Variants in GNG12 observed in about 807,000 individuals in gnomAD.
The protein encoded by GNG12 is G protein subunit gamma 12.
For synonymous variants in GNG12, 28 were observed against 29.7 expected, an observed-to-expected ratio of 0.94 and a Z score of 0.19; for missense variants, 69 against 83.8, an observed-to-expected ratio of 0.82 and a Z score of 0.69.
At chr1:67,766,085 C>G (rs1306701955) in intron 2 of GNG12, among the ~76,000 whole-genome samples, 1 of 148,078 alleles carries the variant, frequency 6.8e-6, no homozygotes, top group Non-Finnish European at 1.5e-5. Flanking sequence ...GGCAAAAACT[C>G]AAACAAAACA....
In GNG12 at chr1:67,703,949, T is replaced by A. The variant is rs1342564877; in HGVS notation, c.*1502A>T. On this transcript the variant is annotated 3_prime_UTR_variant, in exon 4 of 4. Transcript: ENST00000370982. ...CCTTTTTGAGGGGAAGTTTTTAACCTTTCCTTAGTAGTTACTTTTAATGAA... is the reference window on the plus strand; with the variant it reads ...CCTTTTTGAGGGGAAGTTTTTAACCATTCCTTAGTAGTTACTTTTAATGAA... 14 of 152,258 alleles carry A rather than the reference T, an allele frequency of 9.2e-5. No homozygotes were observed. Among genetic ancestry groups the A allele is most frequent in the Non-Finnish European group, 1.5e-5 (1 of 68,042 alleles). The allele number at this position is 152,258 out of a possible 1,614,324, so 9.4% of individuals were successfully genotyped here. A position where few individuals can be genotyped will look rare whatever the true frequency, so the allele number is the denominator to read the frequency against.
rs1016978925 is a variant in GNG12 at position 67,702,877 on chromosome 1, A to G, written c.*2574T>C. On this transcript the variant is annotated 3_prime_UTR_variant, in exon 4 of 4. Coordinates refer to ENST00000370982, the MANE Select transcript of GNG12 (RefSeq NM_018841.6). ...CATGGAAATGAAGCCAAGAAGTTGC[A>G]TGTATATACGTGAGAAAGATTATCA... 1 of 152,200 alleles carries G rather than the reference A, an allele frequency of 6.6e-6. No individual in the cohort carries two copies. The highest frequency in any genetic ancestry group is 1.5e-5 in the Non-Finnish European group (1 of 68,012). 9.4% of individuals were successfully genotyped at this position (152,200 alleles called of 1,614,324 possible).
At position 67,705,593 on chromosome 1, in the gene GNG12, TCAAA is replaced by T. The variant is rs1383373609; in HGVS notation, c.94-21_94-18del. The T allele has an allele frequency of 5.0e-6, 8 of 1,592,918 alleles. No individual in the cohort carries two copies. The highest frequency in any genetic ancestry group is 3.6e-5 in the Admixed American group (2 of 54,972). On this transcript the variant is annotated intron_variant, in intron 3 of 3. Transcript: ENST00000370982. The stretch of plus-strand genomic sequence containing the variant: ...CTTCGAAACCTGACATGGAGATAAA[TCAAA>T]CAAACAAGAAAGAAAATATTTTACT...
chr1:67,716,156 G>T (rs1171731761), intron 2 of GNG12, among the ~76,000 whole-genome samples: 1 of 152,168 alleles, frequency 6.6e-6, no homozygotes, highest in African/African-American at 2.4e-5. Flanking sequence ...GGGTAGGGAA[G>T]ACAGAGTGTC....
intron 1 of GNG12, among the ~76,000 whole-genome samples, chr1:67,824,442 C>T (rs887077043): frequency 5.8e-5 from 8 of 138,856 alleles, no homozygotes; most frequent in African/African-American, 1.9e-4. Context: ...CCAGGGAAGT[C>T]GATGCTGCAG....
At chr1:67,725,096 A>T (rs556937299) in intron 2 of GNG12, among the ~76,000 whole-genome samples, 41 of 152,276 alleles carry the variant, frequency 2.7e-4, no homozygotes, top group Middle Eastern at 3.4e-3. Flanking sequence ...GGACAGGATT[A>T]AAAAAGCCAC....
chr1:67,821,752 A>G lies in GNG12; in HGVS notation c.-77+11592T>C, dbSNP rs190138433. 8.0e-4 allele frequency among the ~76,000 whole-genome samples: 120 copies of G among 150,662 alleles called. No individual in the cohort carries two copies. In the East Asian group the frequency reaches 0.02, roughly 25 times the overall value. On this transcript the variant is annotated intron_variant, in intron 1 of 3. Coordinates refer to ENST00000370982, the MANE Select transcript of GNG12 (RefSeq NM_018841.6). ...TAACACACTCTTACAGCTGATGTGC[A>G]TTATAATTTAATCAGCAGCTTTTTT...
chr1:67,786,719 C>T (rs541256403), intron 1 of GNG12, among the ~76,000 whole-genome samples: 189 of 151,934 alleles, frequency 1.2e-3, no homozygotes, highest in African/African-American at 4.4e-3. Context: ...GTCAGGGGTT[C>T]GAGACCAGCC....
intron 2 of GNG12, among the ~76,000 whole-genome samples, chr1:67,733,921 T>C (rs1161541407): frequency 6.6e-6 from 1 of 152,128 alleles, no homozygotes; most frequent in Non-Finnish European, 1.5e-5. Context: ...TGGAGGATAG[T>C]CTCAGGTGAA....
At chr1:67,794,232 G>C (rs1646817177) in intron 1 of GNG12, among the ~76,000 whole-genome samples, 1 of 152,178 alleles carries the variant, frequency 6.6e-6, no homozygotes, top group African/African-American at 2.4e-5. Context: ...ACATCTCCTT[G>C]CTAGCAGAAC....
At chr1:67,805,323 C>T (rs1646888984) in intron 1 of GNG12, among the ~76,000 whole-genome samples, 2 of 152,146 alleles carry the variant, frequency 1.3e-5, no homozygotes, top group East Asian at 3.9e-4. Context: ...AGACAAAAAA[C>T]ACTGAAGGAA....
chr1:67,747,820 C>T (rs868382882), intron 2 of GNG12, among the ~76,000 whole-genome samples: 15 of 152,232 alleles, frequency 9.9e-5, no homozygotes, highest in Non-Finnish European at 2.1e-4. Flanking sequence ...CTTCCCGGAA[C>T]AAACACCCAC....
intron 1 of GNG12, among the ~76,000 whole-genome samples, chr1:67,824,666 A>G (rs1356631230): frequency 6.6e-6 from 1 of 152,230 alleles, no homozygotes; most frequent in Non-Finnish European, 1.5e-5. Context: ...TTGTATAAGC[A>G]ATTTTCCCAG....
At chr1:67,774,060 A>G (rs545731167) in intron 2 of GNG12, among the ~76,000 whole-genome samples, 4 of 152,124 alleles carry the variant, frequency 2.6e-5, no homozygotes, top group Non-Finnish European at 4.4e-5. Context: ...GTTGTCGGCC[A>G]CTCTGTGTGG....
At chr1:67,806,085 T>TA (rs913034731) in intron 1 of GNG12, among the ~76,000 whole-genome samples, 6 of 150,912 alleles carry the variant, frequency 4.0e-5, no homozygotes, top group East Asian at 1.9e-4. Context: ...GTTCTCAGAT[T>TA]AAAAAAAAAC....
chr1:67,710,814 T>G (rs545110288), intron 2 of GNG12, among the ~76,000 whole-genome samples: 1 of 152,244 alleles, frequency 6.6e-6, no homozygotes, highest in East Asian at 1.9e-4. Flanking sequence ...CCTGCTCCCT[T>G]CCAATGGGGT....
At chr1:67,765,467 G>A (rs924638069) in intron 2 of GNG12, among the ~76,000 whole-genome samples, 5 of 152,110 alleles carry the variant, frequency 3.3e-5, no homozygotes, top group Non-Finnish European at 7.3e-5. Flanking sequence ...TTTATAAAGG[G>A]AACACATTAG....
At chr1:67,705,907 C>T (rs551023344) in intron 3 of GNG12, among the ~76,000 whole-genome samples, 14 of 152,240 alleles carry the variant, frequency 9.2e-5, no homozygotes, top group African/African-American at 2.9e-4. Flanking sequence ...GTCCAATCAG[C>T]GAACGATCAC....
chr1:67,787,070 T>TG (rs1491226955), intron 1 of GNG12, among the ~76,000 whole-genome samples: 2 of 139,562 alleles, frequency 1.4e-5, no homozygotes, highest in African/African-American at 5.5e-5. Context: ...TGTGTGTGTG[T>TG]ATAGTCCCCC....
Sources: allele counts gnomAD v4.1 joint callset (sites outside exome capture counted in the v4.1 genomes callset), GRCh38; gene constraint gnomAD v4.1.1; transcripts MANE v1.5; gene names NCBI Gene and HGNC (gene_info 2026-07-23, HGNC 2026-07-21).